Variants in PRKG1 observed in about 807,000 individuals in gnomAD.
PRKG1 encodes cGMP-dependent protein kinase 1.
In PRKG1, 35 loss-of-function variants were observed where a neutral mutation model predicts 88.1. The observed-to-expected ratio is 0.40, with a 90% CI of 0.30 to 0.53. The LOEUF is 0.53. PRKG1 is among the 20% of genes least tolerant of loss of function. The probability of loss-of-function intolerance (pLI) is 0.59; values close to 1 mark genes in which losing one functional copy is unlikely to be tolerated. For synonymous variants in PRKG1, 303 were observed against 292.5 expected, an observed-to-expected ratio of 1.04 and a Z score of -0.37; for missense variants, 540 against 839.8, an observed-to-expected ratio of 0.64 and a Z score of 4.41.
intron 4 of PRKG1, among the ~76,000 whole-genome samples, chr10:51,866,352 A>G (rs1460614214): frequency 2.0e-5 from 3 of 152,102 alleles, no homozygotes; most frequent in African/African-American, 7.2e-5. Context: ...TATATATGTC[A>G]ATCTGTAATT....
At position 51,534,654 on chromosome 10, in the gene PRKG1, G is replaced by A. The variant is rs1189814458; in HGVS notation, c.592+66818G>A. Among the ~76,000 whole-genome samples, 8 of 119,766 alleles carry A rather than the reference G, an allele frequency of 6.7e-5. No individual in the cohort carries two copies. The East Asian group carries it at 7.6e-4, about 11-fold the overall frequency. The allele number at this position is 119,766 out of a possible 152,430, so 78.6% of individuals were successfully genotyped here. The stretch of plus-strand genomic sequence containing the variant: ...TGCACTCCAGCCTGGGCAACAGAGC[G>A]AGACTCTGTCTCAAAAAAAAAAAAA... On this transcript the variant is annotated intron_variant, in intron 3 of 17. Coordinates refer to ENST00000373980, the MANE Select transcript of PRKG1 (RefSeq NM_006258.4).
At chr10:51,669,979 G>T (rs922363281) in intron 3 of PRKG1, among the ~76,000 whole-genome samples, 5 of 151,940 alleles carry the variant, frequency 3.3e-5, no homozygotes, top group Non-Finnish European at 4.4e-5. Context: ...AAAAATTATG[G>T]CTTTATGATA....
At chr10:51,967,084 G>A (rs2447652) in intron 5 of PRKG1, among the ~76,000 whole-genome samples, 3 of 151,928 alleles carry the variant, frequency 2.0e-5, no homozygotes, top group African/African-American at 7.3e-5. Flanking sequence ...GATTATAAAT[G>A]TTGCTGCTAT....
chr10:52,160,537 T>C (rs11817972), intron 8 of PRKG1, among the ~76,000 whole-genome samples: 8,949 of 152,008 alleles, frequency 0.059, 781 homozygotes, highest in African/African-American at 0.19. Flanking sequence ...TACCATGCAC[T>C]CTAGATGAGC....
chr10:51,025,399 GT>G (rs1843191729), intron 1 of PRKG1, among the ~76,000 whole-genome samples: 1 of 152,110 alleles, frequency 6.6e-6, no homozygotes, highest in Non-Finnish European at 1.5e-5. Context: ...GCTGGTCCTG[GT>G]GTCATGGGAT....
chr10:52,018,710 G>A (rs1020654980), intron 5 of PRKG1, among the ~76,000 whole-genome samples: 24 of 152,272 alleles, frequency 1.6e-4, no homozygotes, highest in East Asian at 9.7e-4. Context: ...ACCGAGCAGA[G>A]TAAAACAGGT....
chr10:52,120,053 C>CAG (rs201707965), intron 7 of PRKG1, among the ~76,000 whole-genome samples: 1 of 151,102 alleles, frequency 6.6e-6, no homozygotes, highest in African/African-American at 2.4e-5. Context: ...GAGACAGAGA[C>CAG]AGAGAGAGAG....
intron 4 of PRKG1, among the ~76,000 whole-genome samples, chr10:51,820,019 A>C (rs1730158606): frequency 6.6e-6 from 1 of 152,138 alleles, no homozygotes; most frequent in Non-Finnish European, 1.5e-5. Flanking sequence ...AAAATTATTC[A>C]ATGTTCAACT....
chr10:51,853,314 C>T (rs1840603030), intron 4 of PRKG1, among the ~76,000 whole-genome samples: 1 of 152,012 alleles, frequency 6.6e-6, no homozygotes, highest in African/African-American at 2.4e-5. Context: ...TGTGCCTAAA[C>T]CTCAAAATGG....
intron 5 of PRKG1, among the ~76,000 whole-genome samples, chr10:52,011,660 C>T (rs946346994): frequency 2.0e-4 from 31 of 152,182 alleles, no homozygotes; most frequent in African/African-American, 6.5e-4. Context: ...AATCTTACTT[C>T]TTCCCATCAA....
intron 3 of PRKG1, among the ~76,000 whole-genome samples, chr10:51,762,921 T>C (rs1271111735): frequency 2.0e-5 from 3 of 152,258 alleles, no homozygotes; most frequent in East Asian, 3.9e-4. Flanking sequence ...GTCAGTGCCA[T>C]GGAATAGAAA....
chr10:52,144,982 A>T (rs560116223), intron 8 of PRKG1, among the ~76,000 whole-genome samples: 8 of 152,320 alleles, frequency 5.3e-5, no homozygotes, highest in African/African-American at 1.7e-4. Context: ...AAAGAATAGA[A>T]CAAGACAGAG....
chr10:51,277,629 T>G (rs1840162968), intron 2 of PRKG1, among the ~76,000 whole-genome samples: 1 of 152,230 alleles, frequency 6.6e-6, no homozygotes, highest in African/African-American at 2.4e-5. Flanking sequence ...GTGTCCTCTT[T>G]TATTGAGCAG....
At chr10:51,663,980 T>C (rs1193235857) in intron 3 of PRKG1, among the ~76,000 whole-genome samples, 3 of 152,110 alleles carry the variant, frequency 2.0e-5, no homozygotes, top group African/African-American at 7.2e-5. Context: ...TAATTTCTAC[T>C]TTAAAAATTA....
intron 5 of PRKG1, among the ~76,000 whole-genome samples, chr10:52,002,580 T>C (rs1446681586): frequency 6.6e-6 from 1 of 152,148 alleles, no homozygotes; most frequent in Non-Finnish European, 1.5e-5. Context: ...ACCCTCAAGA[T>C]TGCTCCAGTT....
chr10:52,003,652 C>T (rs1844655800), intron 5 of PRKG1, among the ~76,000 whole-genome samples: 1 of 152,178 alleles, frequency 6.6e-6, no homozygotes, highest in Non-Finnish European at 1.5e-5. Flanking sequence ...GACGAAGAGT[C>T]AGGAATATCC....
chr10:51,481,468 C>G (rs1270366014), intron 3 of PRKG1, among the ~76,000 whole-genome samples: 1 of 152,086 alleles, frequency 6.6e-6, no homozygotes, highest in Non-Finnish European at 1.5e-5. Flanking sequence ...AGGCTAATCT[C>G]TAACCCATGG....
rs574607956 is a variant in PRKG1 at position 51,687,432 on chromosome 10, A to G, written c.593-117153A>G. On this transcript the variant is annotated intron_variant, in intron 3 of 17. Coordinates refer to ENST00000373980, the MANE Select transcript of PRKG1 (RefSeq NM_006258.4). ...AGAATTCTGTTGAGGGTTTATTCAC[A>G]CTGAATCATAAGCATGCTGATTTGA... Among the ~76,000 whole-genome samples, 4 of 152,312 alleles carry G rather than the reference A, an allele frequency of 2.6e-5. No individual in the cohort carries two copies. The East Asian group carries it at 5.8e-4, about 22-fold the overall frequency.
At chr10:52,219,044 CAAAG>C (rs1389339795) in intron 9 of PRKG1, among the ~76,000 whole-genome samples, 3 of 151,828 alleles carry the variant, frequency 2.0e-5, no homozygotes, top group African/African-American at 4.8e-5. Flanking sequence ...AAAGGAAAAA[CAAAG>C]AAAGAAGTAC....
Sources: gnomAD v4.1 joint callset for allele counts (sites outside exome capture counted in the v4.1 genomes callset) on GRCh38, gnomAD v4.1.1 for gene constraint, MANE v1.5 for transcripts, NCBI Gene and HGNC (gene_info 2026-07-23, HGNC 2026-07-21) for gene names.